Variants in TNR observed in about 807,000 individuals in gnomAD.
The protein encoded by TNR is tenascin-R.
Under a neutral mutation model 150.4 loss-of-function variants are expected in TNR, and 45 were observed. The ratio of observed to expected loss-of-function variants is 0.30; its 90% CI spans 0.24 to 0.38. The LOEUF (loss-of-function observed/expected upper bound fraction) is 0.38. TNR is among the 10% of genes least tolerant of loss of function. The pLI is 1.00. For synonymous variants in TNR, 687 were observed against 678.4 expected (o/e 1.01, Z -0.20); for missense variants, 1,544 against 1,759.1 (o/e 0.88, Z 2.19).
intron 2 of TNR, among the ~76,000 whole-genome samples, chr1:175,439,331 A>G (rs12037471): frequency 0.26 from 38,598 of 150,894 alleles, 5,212 homozygotes; most frequent in East Asian, 0.51. Flanking sequence ...TATGTAGAAA[A>G]CTGAAACTGG....
intron 1 of TNR, among the ~76,000 whole-genome samples, chr1:175,683,629 GC>G (rs1471947307): frequency 2.0e-5 from 3 of 152,146 alleles, no homozygotes; most frequent in African/African-American, 7.2e-5. Flanking sequence ...TGTGTGGTTT[GC>G]ATACCAGTAC....
At chr1:175,678,377 C>T (rs1201658443) in intron 1 of TNR, among the ~76,000 whole-genome samples, 1 of 152,188 alleles carries the variant, frequency 6.6e-6, no homozygotes, top group African/African-American at 2.4e-5. Flanking sequence ...ACGGCCCTGG[C>T]ATCTGTATTT....
chr1:175,466,640 C>G (rs1280409221), intron 2 of TNR, among the ~76,000 whole-genome samples: 1 of 152,188 alleles, frequency 6.6e-6, no homozygotes, highest in African/African-American at 2.4e-5. Context: ...CATTATTGAT[C>G]TTTTCATGTT....
intron 1 of TNR, among the ~76,000 whole-genome samples, chr1:175,637,413 A>C (rs959076370): frequency 6.6e-6 from 1 of 152,202 alleles, no homozygotes; most frequent in Non-Finnish European, 1.5e-5. Flanking sequence ...TCCAACACCA[A>C]ATCTTATCTC....
At chr1:175,631,829 A>T (rs1172866796) in intron 1 of TNR, among the ~76,000 whole-genome samples, 1 of 152,236 alleles carries the variant, frequency 6.6e-6, no homozygotes, top group African/African-American at 2.4e-5. Context: ...TTGGGGGAGC[A>T]GAAAGATATT....
chr1:175,721,375 C>T (rs73035469), intron 1 of TNR, among the ~76,000 whole-genome samples: 31,663 of 152,126 alleles, frequency 0.21, 3,421 homozygotes, highest in Middle Eastern at 0.27. Context: ...CCCAGCCTGG[C>T]GCATAGTAAG....
intron 1 of TNR, among the ~76,000 whole-genome samples, chr1:175,544,897 A>C (rs1054376344): frequency 1.2e-4 from 19 of 152,354 alleles, no homozygotes; most frequent in African/African-American, 4.1e-4. Context: ...GAATGTGAGC[A>C]AAGGTGATAG....
rs139687301 is a variant in TNR at position 175,590,859 on chromosome 1, A to C, written c.-164-62490T>G. Among the ~76,000 whole-genome samples the C allele has an allele frequency of 1.3e-3, 191 of 152,368 alleles. 1 individual carries two copies. The East Asian group carries it at 0.028, about 22-fold the overall frequency. ...CTAATTGAATACCTTGTATGTGTGC[A>C]GTGTTCTGAGCGTCCCCACAAAGCA... On this transcript the variant is annotated intron_variant, in intron 1 of 22. Coordinates refer to ENST00000367674, the MANE Select transcript of TNR (RefSeq NM_003285.3).
intron 1 of TNR, among the ~76,000 whole-genome samples, chr1:175,648,699 C>A (rs1253528600): frequency 2.0e-5 from 3 of 152,144 alleles, no homozygotes; most frequent in African/African-American, 7.2e-5. Flanking sequence ...CCCATAGTAA[C>A]AAAATGTCTC....
At chr1:175,510,347 T>C (rs1659118750) in intron 2 of TNR, among the ~76,000 whole-genome samples, 1 of 148,510 alleles carries the variant, frequency 6.7e-6, no homozygotes, top group Non-Finnish European at 1.5e-5. Flanking sequence ...CTAAGAACTG[T>C]GAAGACCTTT....
intron 20 of TNR, among the ~76,000 whole-genome samples, chr1:175,333,164 C>G (rs1650033240): frequency 6.6e-6 from 1 of 152,084 alleles, no homozygotes; most frequent in Non-Finnish European, 1.5e-5. Flanking sequence ...AATATAGTTT[C>G]TTTTAATTGC....
At chr1:175,725,625 A>C (rs1667457157) in intron 1 of TNR, among the ~76,000 whole-genome samples, 1 of 152,212 alleles carries the variant, frequency 6.6e-6, no homozygotes, top group Non-Finnish European at 1.5e-5. Flanking sequence ...TGGGGAAAAA[A>C]ATAACAGGCA....
At chr1:175,331,002 T>A (rs144338152) in intron 20 of TNR, among the ~76,000 whole-genome samples, 408 of 27,882 alleles carry the variant, frequency 0.015, 4 homozygotes, top group African/African-American at 0.037. Flanking sequence ...TTGGTGATTC[T>A]TTCTTTCTTT....
intron 1 of TNR, among the ~76,000 whole-genome samples, chr1:175,684,980 C>G (rs565545299): frequency 6.6e-6 from 1 of 152,312 alleles, no homozygotes; most frequent in African/African-American, 2.4e-5. Flanking sequence ...ACATCCAACC[C>G]TTCCTTTCTG....
intron 18 of TNR, among the ~76,000 whole-genome samples, chr1:175,341,186 C>G (rs1000006797): frequency 1.3e-5 from 2 of 152,150 alleles, no homozygotes; most frequent in African/African-American, 4.8e-5. Flanking sequence ...CTCTGGATGT[C>G]ACACCATTTA....
At chr1:175,392,314 G>T (rs1182294862) in intron 6 of TNR, among the ~76,000 whole-genome samples, 1 of 152,046 alleles carries the variant, frequency 6.6e-6, no homozygotes. Context: ...CTCTATTTAT[G>T]GTACCCAGGG....
At chr1:175,657,730 T>C (rs1431941463) in intron 1 of TNR, among the ~76,000 whole-genome samples, 1 of 109,276 alleles carries the variant, frequency 9.2e-6, no homozygotes, top group Admixed American at 1.3e-4. Flanking sequence ...TGAGAACACA[T>C]GGACACAGGA....
intron 14 of TNR, 140 bp downstream of exon 14, chr1:175,362,523 A>G (rs1571339094): frequency 1.0e-6 from 1 of 993,746 alleles, no homozygotes; most frequent in East Asian, 2.6e-5. Context: ...GAAATTGCAA[A>G]TTGCCCTGCA....
intron 2 of TNR, among the ~76,000 whole-genome samples, chr1:175,473,293 C>A (rs950159515): frequency 6.6e-6 from 1 of 152,156 alleles, no homozygotes; most frequent in African/African-American, 2.4e-5. Context: ...GGTTTCTGTT[C>A]CTGTCAATAT....
Sources: gnomAD v4.1 joint callset for allele counts (sites outside exome capture counted in the v4.1 genomes callset) on GRCh38, gnomAD v4.1.1 for gene constraint, MANE v1.5 for transcripts, NCBI Gene and HGNC (gene_info 2026-07-23, HGNC 2026-07-21) for gene names.